ROCK1: variants seen among roughly 807,000 people sequenced by gnomAD.
The protein encoded by ROCK1 is rho-associated protein kinase 1.
ROCK1 carries 36 observed loss-of-function variants against 196.8 expected under a neutral mutation model. The ratio of observed to expected loss-of-function variants is 0.18; its 90% CI spans 0.14 to 0.24. ROCK1 has a LOEUF of 0.24. ROCK1 is among the 10% of genes least tolerant of loss of function. The pLI is 1.00. For missense variants in ROCK1, 920 were observed against 1,562.0 expected, an observed-to-expected ratio of 0.59 and a Z score of 6.93; for synonymous variants, 443 against 515.9, an observed-to-expected ratio of 0.86 and a Z score of 1.91.
In ROCK1 at chr18:20,970,352, C is replaced by A. The variant is rs779510967; in HGVS notation, c.2816G>T (p.Ser939Ile). 6.2e-7 allele frequency: 1 copy of A among 1,612,092 alleles called. No homozygotes were observed. The highest frequency in any genetic ancestry group is 1.1e-5 in the South Asian group (1 of 91,014). The change falls in exon 23 of 33, where the codon AGT becomes ATT. Residue 939 changes from serine (S) to isoleucine (I), a missense_variant. Physicochemically the swap from Ser to Ile is moderately radical, Grantham distance 142. Coordinates refer to ENST00000399799, the MANE Select transcript of ROCK1 (RefSeq NM_005406.3). The stretch of plus-strand genomic sequence containing the variant: ...TTACCTGACTATCACACTTACCCGA[C>A]TAACAGTGTGATCTTTATCTGTAAT... ...QEITDKDHTV[S>I]RLEEANSMLT...
chr18:20,970,482 C>T lies in ROCK1; in HGVS notation c.2686G>A (p.Glu896Lys). ...ETLATQLDLA[E>K]TKAESEQLAR... ...AACTGCTCAGACTCAGCTTTTGTTT[C>T]TGCTAGATCCAACTGAGTAGCAAGA... The change falls in exon 23 of 33, where the codon GAA becomes AAA. Residue 896 changes from glutamate to lysine, a missense_variant. Glu to Lys is a moderately conservative substitution (Grantham distance 56). Around this residue, in one of 6 missense-constraint regions of ROCK1, gnomAD observed 520 missense variants for 657.1 expected, o/e 0.79. Coordinates refer to ENST00000399799, the MANE Select transcript of ROCK1 (RefSeq NM_005406.3). The T allele has an allele frequency of 6.2e-7, 1 of 1,612,692 alleles. No individual in the cohort carries two copies. The highest frequency in any genetic ancestry group is 1.7e-5 in the Admixed American group (1 of 59,966).
rs150109911 is a variant in ROCK1, at chr18:21,101,205, G to A, written c.93+9613C>T. 6.7e-4 allele frequency among the ~76,000 whole-genome samples: 102 copies of A among 152,282 alleles called. 1 individual carries two copies. The highest frequency in any genetic ancestry group is 2.4e-3 in the African/African-American group (98 of 41,554). Reference sequence around the variant, plus strand: ...CAGAGGAATTACAGTTAATAAATGTGAAAGGAATAACAGAATTAGAAAATC... The same window carrying A: ...CAGAGGAATTACAGTTAATAAATGTAAAAGGAATAACAGAATTAGAAAATC... On this transcript the variant is annotated intron_variant, in intron 1 of 32. Transcript: ENST00000399799.
At chr18:21,020,363 C>A (rs770127414) in intron 11 of ROCK1, 124 bp from the exon 12 acceptor site, 5 of 471,040 alleles carry the variant, frequency 1.1e-5, no homozygotes, top group Non-Finnish European at 1.8e-5. Flanking sequence ...TTACCTCTTT[C>A]TATCTCAATT....
Position 21,066,603 on chromosome 18 carries a change from A to G in ROCK1, c.175+3929T>C, listed in dbSNP as rs530817840. On this transcript the variant is annotated intron_variant, in intron 2 of 32. Transcript: ENST00000399799. ...CAAGGTTTCTTCATACCCTTTTCTA[A>G]CTCCTGAAGTTTTACCTCAACCATA... Among the ~76,000 whole-genome samples, 7 of 152,224 alleles carry G rather than the reference A, an allele frequency of 4.6e-5. No individual in the cohort carries two copies. In the East Asian group the frequency reaches 1.4e-3, roughly 29 times the overall value.
chr18:20,976,500 T>C (rs2035482251), intron 22 of ROCK1, among the ~76,000 whole-genome samples: 1 of 152,194 alleles, frequency 6.6e-6, no homozygotes, highest in Non-Finnish European at 1.5e-5. Flanking sequence ...TATCATGTGG[T>C]AACAAATGGC....
intron 22 of ROCK1, among the ~76,000 whole-genome samples, chr18:20,975,998 A>T: frequency 6.6e-6 from 1 of 152,070 alleles, no homozygotes; most frequent in East Asian, 1.9e-4. Context: ...CTTCTCTTAC[A>T]CTGTTGGTAG....
intron 6 of ROCK1, among the ~76,000 whole-genome samples, chr18:21,043,557 G>T (rs1476223454): frequency 1.4e-5 from 2 of 140,146 alleles, no homozygotes; most frequent in Admixed American, 1.4e-4. Flanking sequence ...TTTATTATAT[G>T]TATATACATA....
intron 9 of ROCK1, among the ~76,000 whole-genome samples, chr18:21,030,927 T>C (rs1325352154): frequency 6.6e-6 from 1 of 152,098 alleles, no homozygotes; most frequent in East Asian, 1.9e-4. Context: ...AACTCTGGAA[T>C]CTAATAAAAA....
chr18:20,997,223 C>A (rs901761735), intron 16 of ROCK1, among the ~76,000 whole-genome samples: 11 of 151,922 alleles, frequency 7.2e-5, no homozygotes, highest in Non-Finnish European at 1.5e-4. Context: ...CTGTTGACTA[C>A]AAGAAACACA....
intron 1 of ROCK1, among the ~76,000 whole-genome samples, chr18:21,109,235 T>C (rs1018002264): frequency 9.9e-5 from 15 of 152,222 alleles, no homozygotes; most frequent in African/African-American, 1.7e-4. Context: ...ATTAAATAGA[T>C]TGGACTCTCA....
chr18:20,972,235 G>C (rs569019591), intron 22 of ROCK1, among the ~76,000 whole-genome samples: 1 of 152,244 alleles, frequency 6.6e-6, no homozygotes, highest in South Asian at 2.1e-4. Context: ...AAGAAAAAAA[G>C]AAGAGTCTAG....
chr18:20,978,505 G>A (rs913406557), intron 22 of ROCK1, among the ~76,000 whole-genome samples: 16 of 152,240 alleles, frequency 1.1e-4, no homozygotes, highest in Admixed American at 5.9e-4. Flanking sequence ...CCTGAAATAC[G>A]ACTAGTACAT....
intron 1 of ROCK1, among the ~76,000 whole-genome samples, chr18:21,091,668 G>A (rs1000097379): frequency 9.9e-5 from 15 of 151,894 alleles, no homozygotes; most frequent in African/African-American, 3.4e-4. Flanking sequence ...CATTAGTAAG[G>A]CTGTTAATTG....
chr18:21,074,438 C>A (rs2036412771), intron 1 of ROCK1, among the ~76,000 whole-genome samples: 2 of 152,112 alleles, frequency 1.3e-5, no homozygotes, highest in Non-Finnish European at 2.9e-5. Flanking sequence ...CTTTGTCCAG[C>A]CTGTTTCTCT....
intron 2 of ROCK1, among the ~76,000 whole-genome samples, chr18:21,057,875 A>G (rs1278407323): frequency 1.3e-5 from 2 of 152,174 alleles, no homozygotes; most frequent in African/African-American, 4.8e-5. Flanking sequence ...TATACCCAGT[A>G]AATTTTACTT....
chr18:21,099,772 T>C (rs760261552), intron 1 of ROCK1, among the ~76,000 whole-genome samples: 3 of 151,512 alleles, frequency 2.0e-5, no homozygotes, highest in Non-Finnish European at 4.4e-5. Flanking sequence ...CAGTGGCTCA[T>C]GCCTGTAATC....
At chr18:21,051,876 T>C (rs2143520918) in intron 2 of ROCK1, among the ~76,000 whole-genome samples, 1 of 152,252 alleles carries the variant, frequency 6.6e-6, no homozygotes, top group South Asian at 2.1e-4. Context: ...AAAGGAATTA[T>C]GATGGATAAA....
chr18:21,075,814 A>G (rs1461362980), intron 1 of ROCK1, among the ~76,000 whole-genome samples: 4 of 151,850 alleles, frequency 2.6e-5, no homozygotes, highest in African/African-American at 9.7e-5. Context: ...TTAGCCGGGT[A>G]TGGGGATGCG....
chr18:20,959,191 AATATAT>A (rs1293545575), intron 29 of ROCK1, among the ~76,000 whole-genome samples: 1 of 66,964 alleles, frequency 1.5e-5, no homozygotes, highest in Non-Finnish European at 2.6e-5. Flanking sequence ...TATTATATAT[AATATAT>A]ATAATACATA....
Sources: gnomAD v4.1 joint callset for allele counts (sites outside exome capture counted in the v4.1 genomes callset) on GRCh38, gnomAD v4.1.1 for gene constraint, gnomAD v4.1.1 regional missense constraint, MANE v1.5 for transcripts, NCBI Gene and HGNC (gene_info 2026-07-23, HGNC 2026-07-21) for gene names.